The following CRYL1 variants were observed in gnomAD, a reference collection of about 807,000 sequenced individuals.
CRYL1 encodes crystallin lambda 1, also known as lambda-crystallin homolog.
In CRYL1, 29 loss-of-function variants were observed where a neutral mutation model predicts 36.6. The observed-to-expected ratio is 0.79, with a 90% CI of 0.59 to 1.08. The LOEUF is 1.08. CRYL1 is among the 50% of genes least tolerant of loss of function. The pLI, the probability that CRYL1 is intolerant of heterozygous loss-of-function variation, is 0.00. For missense variants in CRYL1, 411 were observed against 407.9 expected (o/e 1.01, Z -0.06); for synonymous variants, 152 against 151.5 (o/e 1.00, Z -0.02).
chr13:20,430,161 C>T, intron 5 of CRYL1: 1 of 982,398 alleles, frequency 1.0e-6, no homozygotes, highest in Non-Finnish European at 1.2e-6. Flanking sequence ...CTGCCTTGGG[C>T]CCCACTACCT....
chr13:20,510,608 A>C (rs2033895802), intron 2 of CRYL1, among the ~76,000 whole-genome samples: 1 of 81,720 alleles, frequency 1.2e-5, no homozygotes, highest in African/African-American at 5.0e-5. Flanking sequence ...ACACCAAGTG[A>C]ATCTTTTTTT....
chr13:20,508,896 C>CAACAACATT (rs2033861740), intron 2 of CRYL1, among the ~76,000 whole-genome samples: 1 of 106,140 alleles, frequency 9.4e-6, no homozygotes, highest in African/African-American at 3.9e-5. Context: ...AAACTGACAA[C>CAACAACATT]AACAACATTT....
intron 5 of CRYL1, chr13:20,430,478 C>G (rs923350584): frequency 3.0e-5 from 30 of 985,252 alleles, no homozygotes; most frequent in South Asian, 1.4e-4. Flanking sequence ...TGCCATGACC[C>G]ATGAAGAGGG....
At chr13:20,436,644 G>C (rs114854820) in intron 4 of CRYL1, among the ~76,000 whole-genome samples, 2,310 of 152,264 alleles carry the variant, frequency 0.015, 68 homozygotes, top group African/African-American at 0.053. Context: ...CTGAACTCCT[G>C]CGCTGGGAGT....
chr13:20,441,661 G>A lies in CRYL1; in HGVS notation c.277-1907C>T, dbSNP rs2032353697. Among the ~76,000 whole-genome samples the A allele has an allele frequency of 5.3e-5, 8 of 152,264 alleles. No homozygotes were observed. The South Asian group carries it at 1.7e-3, about 32-fold the overall frequency. ...ATGTGAAATTCAATGCTGAAGTACT[G>A]CTAGAAATTATATCAGAACCACCCT... On this transcript the variant is annotated intron_variant, in intron 3 of 7. Transcript: ENST00000298248.
intron 3 of CRYL1, among the ~76,000 whole-genome samples, chr13:20,453,219 C>CTT (rs1399152464): frequency 6.6e-6 from 1 of 152,016 alleles, no homozygotes; most frequent in East Asian, 1.9e-4. Flanking sequence ...TGAAACAAAA[C>CTT]TTAAAAGAAT....
chr13:20,430,203 T>C (rs771753220), intron 5 of CRYL1: 19 of 984,542 alleles, frequency 1.9e-5, no homozygotes, highest in Non-Finnish European at 2.3e-5. Flanking sequence ...AAACAAATTA[T>C]CTTCTAGACT....
intron 5 of CRYL1, among the ~76,000 whole-genome samples, chr13:20,424,451 G>A (rs1159036742): frequency 6.6e-6 from 1 of 152,196 alleles, no homozygotes; most frequent in Non-Finnish European, 1.5e-5. Context: ...AGTACCCTCT[G>A]GTAAGGCACT....
At chr13:20,437,882 G>A (rs2032266307) in intron 4 of CRYL1, among the ~76,000 whole-genome samples, 1 of 152,120 alleles carries the variant, frequency 6.6e-6, no homozygotes, top group Non-Finnish European at 1.5e-5. Context: ...CAAGAACATG[G>A]GTTAGAAATT....
intron 3 of CRYL1, among the ~76,000 whole-genome samples, chr13:20,466,739 TAGTG>T (rs1392915685): frequency 1.4e-5 from 2 of 145,778 alleles, no homozygotes; most frequent in African/African-American, 5.4e-5. Context: ...CTACATAAAA[TAGTG>T]AGTCTATGCT....
At chr13:20,430,247 T>G in intron 5 of CRYL1, 1 of 984,770 alleles carries the variant, frequency 1.0e-6, no homozygotes. Context: ...TTTACTCACA[T>G]TTTCTTAATT....
At chr13:20,448,926 G>C (rs922914608) in intron 3 of CRYL1, among the ~76,000 whole-genome samples, 2 of 152,170 alleles carry the variant, frequency 1.3e-5, no homozygotes, top group Admixed American at 6.6e-5. Context: ...CTACCACTTT[G>C]GGAGGCCAAG....
chr13:20,410,227 C>T (rs9506479), intron 6 of CRYL1, among the ~76,000 whole-genome samples: 104,710 of 140,290 alleles, frequency 0.75, 39,357 homozygotes, highest in Admixed American at 0.82. Context: ...TTCATGTCCT[C>T]TGTAAGGACA....
In CRYL1 at chr13:20,481,975, C is replaced by T. The variant is rs182264998; in HGVS notation, c.276+7395G>A. On this transcript the variant is annotated intron_variant, in intron 3 of 7. Coordinates refer to ENST00000298248, the MANE Select transcript of CRYL1 (RefSeq NM_015974.3). The surrounding 1 kb of genome is among the most constrained non-coding windows in gnomAD (Gnocchi z 4.1). Reference sequence around the variant, plus strand: ...TAACTCCAGTTTCCTCGCACATTCCCGAATATTCTCAGGGCTGGCCATCCC... The same window carrying T: ...TAACTCCAGTTTCCTCGCACATTCCTGAATATTCTCAGGGCTGGCCATCCC... 3.7e-4 allele frequency among the ~76,000 whole-genome samples: 56 copies of T among 152,204 alleles called. No individual in the cohort carries two copies. Among genetic ancestry groups the T allele is most frequent in the Admixed American group, 5.2e-4 (8 of 15,276 alleles).
chr13:20,454,504 G>A (rs1279411807), intron 3 of CRYL1, among the ~76,000 whole-genome samples: 1 of 148,580 alleles, frequency 6.7e-6, no homozygotes, highest in Admixed American at 6.8e-5. Flanking sequence ...TGCAAGCTCC[G>A]CCTCTGAAGT....
chr13:20,405,889 G>GC (rs1030641482), intron 6 of CRYL1: 2 of 152,384 alleles, frequency 1.3e-5, no homozygotes, highest in African/African-American at 4.8e-5. Context: ...GACCCGCTGG[G>GC]CCCCGCAGAC....
chr13:20,515,540 C>T (rs1181927890), intron 1 of CRYL1, among the ~76,000 whole-genome samples: 2 of 151,858 alleles, frequency 1.3e-5, no homozygotes, highest in Non-Finnish European at 2.9e-5. Context: ...TAGGGAGTTG[C>T]CTTAAGGTGT....
chr13:20,422,029 A>AGTC (rs2031829501), intron 5 of CRYL1, among the ~76,000 whole-genome samples: 1 of 152,074 alleles, frequency 6.6e-6, no homozygotes, highest in African/African-American at 2.4e-5. Context: ...GTATAAAAAT[A>AGTC]GTCTACTTCT....
intron 3 of CRYL1, among the ~76,000 whole-genome samples, chr13:20,447,476 G>A (rs1013969937): frequency 6.6e-6 from 1 of 151,868 alleles, no homozygotes; most frequent in African/African-American, 2.4e-5. Context: ...CAAGTTGCAG[G>A]GACACAGTGC....
Sources: gnomAD v4.1 joint callset for allele counts (sites outside exome capture counted in the v4.1 genomes callset) on GRCh38, gnomAD v4.1.1 for gene constraint, Gnocchi (gnomAD v3.1) non-coding constraint, MANE v1.5 for transcripts, NCBI Gene and HGNC (gene_info 2026-07-23, HGNC 2026-07-21) for gene names.